The following TRAPPC3L variants were observed in gnomAD, a reference collection of about 807,000 sequenced individuals.
The protein encoded by TRAPPC3L is trafficking protein particle complex subunit 3L.
In TRAPPC3L, 23 loss-of-function variants were observed where a neutral mutation model predicts 23.7. The ratio of observed to expected loss-of-function variants is 0.97; its 90% confidence interval spans 0.70 to 1.37. TRAPPC3L has a LOEUF of 1.37. TRAPPC3L is among the 40% of genes most tolerant of loss of function. The pLI, the probability that TRAPPC3L is intolerant of heterozygous loss-of-function variation, is 0.00. For missense variants in TRAPPC3L, 212 were observed against 216.8 expected (o/e 0.98, Z 0.14); for synonymous variants, 81 against 77.9 (o/e 1.04, Z -0.21).
chr6:116,511,752 G>T (rs138683426), intron 3 of TRAPPC3L: 2 of 1,613,894 alleles, frequency 1.2e-6, no homozygotes, highest in African/African-American at 2.7e-5. Flanking sequence ...ACTGTTATTG[G>T]CTACAGCTTC....
At chr6:116,497,218 A>C in intron 4 of TRAPPC3L, 145 bp from the exon 5 acceptor site, 3 of 988,898 alleles carry the variant, frequency 3.0e-6, no homozygotes, top group Non-Finnish European at 4.3e-6. Context: ...CCCTTTACTG[A>C]GTGTCCTCCG....
Position 116,497,020 on chromosome 6 carries a change from A to G in TRAPPC3L, c.480T>C (p.Ser160=). 6.5e-7 allele frequency: 1 copy of G among 1,546,874 alleles called. No homozygotes were observed. The highest frequency in any genetic ancestry group is 1.2e-5 in the South Asian group (1 of 82,796). ...TFLQDRLKGD[S]VTEIGITFLK... ...GAAATGTTATTCCTATTTCTGTCAC[A>G]CTGTCACCTTTTAGTCTGTCTTGCA... The change falls in exon 5 of 5, where the codon AGT becomes AGC. Residue 160 remains serine, a synonymous_variant. Coordinates refer to ENST00000368602, the MANE Select transcript of TRAPPC3L (RefSeq NM_001139444.3).
At chr6:116,534,075 G>C (rs570672150) in intron 3 of TRAPPC3L, among the ~76,000 whole-genome samples, 21 of 151,694 alleles carry the variant, frequency 1.4e-4, no homozygotes, top group South Asian at 6.2e-4. Context: ...CCTCCTTTGG[G>C]TACTCAACTC....
intron 1 of TRAPPC3L, among the ~76,000 whole-genome samples, chr6:116,544,151 A>AAGAGAGAGAGAGAGAGAGAGAGAGAGAG (rs141606346): frequency 7.5e-6 from 1 of 132,918 alleles, no homozygotes; most frequent in Non-Finnish European, 1.6e-5. Context: ...AAAGGTGAAG[A>AAGAGAGAGAGAGAGAGAGAGAGAGAGAG]AGAGAGAGAG....
Position 116,513,574 on chromosome 6 carries a change from C to T in TRAPPC3L, c.241-12908G>A, listed in dbSNP as rs980351413. On this transcript the variant is annotated intron_variant, in intron 3 of 4. Transcript: ENST00000368602. ...TCATAGCTTAGGCTGAGCACACTGACCTGCTGATTCTTCATCAGAATGAGA... is the reference window on the plus strand; with the variant it reads ...TCATAGCTTAGGCTGAGCACACTGATCTGCTGATTCTTCATCAGAATGAGA... Among the ~76,000 whole-genome samples, 7 of 152,294 alleles carry T rather than the reference C, an allele frequency of 4.6e-5. No individual in the cohort carries two copies. The South Asian group carries it at 6.2e-4, about 14-fold the overall frequency.
At chr6:116,515,890 C>G in intron 3 of TRAPPC3L, 1 of 1,613,942 alleles carries the variant, frequency 6.2e-7, no homozygotes, top group Non-Finnish European at 8.5e-7. Context: ...GCCAGCAACA[C>G]TATAGCACCC....
chr6:116,506,362 C>T (rs1772007649), intron 3 of TRAPPC3L, among the ~76,000 whole-genome samples: 1 of 152,184 alleles, frequency 6.6e-6, no homozygotes, highest in Non-Finnish European at 1.5e-5. Flanking sequence ...AGTCAGGAAA[C>T]AACAGATGCT....
At chr6:116,529,616 C>A (rs779920243) in intron 3 of TRAPPC3L, among the ~76,000 whole-genome samples, 1 of 152,210 alleles carries the variant, frequency 6.6e-6, no homozygotes, top group Non-Finnish European at 1.5e-5. Context: ...TCTCCATGTC[C>A]TGCAAGGCAG....
chr6:116,537,443 T>C (rs976013597), intron 3 of TRAPPC3L, among the ~76,000 whole-genome samples: 1 of 152,222 alleles, frequency 6.6e-6, no homozygotes, highest in South Asian at 2.1e-4. Flanking sequence ...GAATATGGTT[T>C]CTGAATATAA....
At chr6:116,531,607 T>A (rs1368263563) in intron 3 of TRAPPC3L, among the ~76,000 whole-genome samples, 1 of 152,116 alleles carries the variant, frequency 6.6e-6, no homozygotes, top group African/African-American at 2.4e-5. Context: ...AGGTCTGACA[T>A]AAACCAAATG....
At chr6:116,513,399 A>G (rs900129897) in intron 3 of TRAPPC3L, among the ~76,000 whole-genome samples, 4 of 151,036 alleles carry the variant, frequency 2.6e-5, no homozygotes, top group South Asian at 2.1e-4. Context: ...GAAGAAGGGT[A>G]TAACTTACAA....
chr6:116,505,405 G>A (rs964336533), intron 3 of TRAPPC3L, among the ~76,000 whole-genome samples: 8 of 152,164 alleles, frequency 5.3e-5, no homozygotes, highest in African/African-American at 1.9e-4. Context: ...CATGCTCATG[G>A]ATAGAAAGAA....
At chr6:116,515,951 A>G in intron 3 of TRAPPC3L, 1 of 1,611,058 alleles carries the variant, frequency 6.2e-7, no homozygotes, top group Non-Finnish European at 8.5e-7. Context: ...GGATGATGAG[A>G]CGACAATGGT....
At chr6:116,544,761 A>C (rs1451358569) in intron 1 of TRAPPC3L, among the ~76,000 whole-genome samples, 1 of 152,130 alleles carries the variant, frequency 6.6e-6, no homozygotes, top group African/African-American at 2.4e-5. Flanking sequence ...AAACTGAAGT[A>C]TGCTAGTTAG....
At chr6:116,497,095 G>A (rs1000354362) in intron 4 of TRAPPC3L, 22 bp from the exon 5 acceptor site, 2 of 1,511,912 alleles carry the variant, frequency 1.3e-6, no homozygotes, top group African/African-American at 2.9e-5. Context: ...GAAAAAAACA[G>A]GCCTGTGTCA....
intron 3 of TRAPPC3L, among the ~76,000 whole-genome samples, chr6:116,504,370 G>A (rs1293651715): frequency 6.6e-6 from 1 of 152,154 alleles, no homozygotes; most frequent in Non-Finnish European, 1.5e-5. Flanking sequence ...AACAGGTTCT[G>A]AAATTGAGGC....
At chr6:116,541,994 A>C (rs1372595023) in intron 2 of TRAPPC3L, among the ~76,000 whole-genome samples, 1 of 152,202 alleles carries the variant, frequency 6.6e-6, no homozygotes, top group Non-Finnish European at 1.5e-5. Flanking sequence ...TATTTCTTTC[A>C]TATTTGTTAA....
chr6:116,531,467 T>A (rs1374604588), intron 3 of TRAPPC3L, among the ~76,000 whole-genome samples: 1 of 152,088 alleles, frequency 6.6e-6, no homozygotes, highest in Non-Finnish European at 1.5e-5. Flanking sequence ...GGCACAGGAC[T>A]GAAGTAGAGA....
intron 3 of TRAPPC3L, among the ~76,000 whole-genome samples, 192 bp from the exon 4 acceptor site, chr6:116,500,858 C>T (rs1771900844): frequency 6.6e-6 from 1 of 152,158 alleles, no homozygotes; most frequent in Non-Finnish European, 1.5e-5. Flanking sequence ...AATATTTTTA[C>T]TTGTGAGTCA....
Sources: gnomAD v4.1 joint callset for allele counts (sites outside exome capture counted in the v4.1 genomes callset) on GRCh38, gnomAD v4.1.1 for gene constraint, MANE v1.5 for transcripts, NCBI Gene and HGNC (gene_info 2026-07-23, HGNC 2026-07-21) for gene names.